Variants in DDX50 observed in about 807,000 individuals in gnomAD.
DDX50 encodes the protein DExD-box helicase 50.
DDX50 carries 56 observed loss-of-function variants against 94.8 expected under a neutral mutation model. The observed-to-expected ratio is 0.59, with a 90% confidence interval of 0.48 to 0.74. The LOEUF is 0.74. DDX50 is among the 30% of genes least tolerant of loss of function. The pLI, the probability that DDX50 is intolerant of heterozygous loss-of-function variation, is 0.00. For missense variants in DDX50, 713 were observed against 881.2 expected, an observed-to-expected ratio of 0.81 and a Z score of 2.42; for synonymous variants, 264 against 295.4, an observed-to-expected ratio of 0.89 and a Z score of 1.09.
intron 8 of DDX50, among the ~76,000 whole-genome samples, chr10:68,928,076 G>A (rs567767626): frequency 1.3e-5 from 2 of 152,234 alleles, no homozygotes; most frequent in South Asian, 4.1e-4. Context: ...ATTTCCCTGG[G>A]AAGCCAAGAC....
chr10:68,940,468 G>A (rs1299125595), intron 12 of DDX50, among the ~76,000 whole-genome samples: 3 of 151,632 alleles, frequency 2.0e-5, no homozygotes, highest in Admixed American at 1.3e-4. Context: ...CACCCAGGCT[G>A]GAGTGCAGTG....
At chr10:68,901,610 T>G in intron 1 of DDX50, 139 bp downstream of exon 1, 1 of 918,976 alleles carries the variant, frequency 1.1e-6, no homozygotes, top group Middle Eastern at 2.3e-4. Context: ...CTCGGCCCTC[T>G]GGGGTCGCTC....
intron 11 of DDX50, among the ~76,000 whole-genome samples, chr10:68,936,649 G>A (rs1301819072): frequency 6.7e-6 from 1 of 149,506 alleles, no homozygotes; most frequent in Admixed American, 6.7e-5. Flanking sequence ...GACTAGCTTG[G>A]CCAACATGGC....
intron 8 of DDX50, among the ~76,000 whole-genome samples, chr10:68,930,535 C>T (rs985362916): frequency 7.0e-6 from 1 of 143,224 alleles, no homozygotes; most frequent in Non-Finnish European, 1.5e-5. Flanking sequence ...ATTTCATCAA[C>T]TAATAGTTCT....
intron 8 of DDX50, among the ~76,000 whole-genome samples, chr10:68,927,617 T>C (rs1842124327): frequency 6.6e-6 from 1 of 152,222 alleles, no homozygotes; most frequent in South Asian, 2.1e-4. Flanking sequence ...AGAAGTGGTA[T>C]TTCAAGTATC....
Position 68,906,953 on chromosome 10 carries a change from AG to A in DDX50, c.331del (p.Val111TyrfsTer4). The A allele has an allele frequency of 6.3e-7, 1 of 1,599,774 alleles. No homozygotes were observed. The highest frequency in any genetic ancestry group is 8.5e-7 in the Non-Finnish European group (1 of 1,176,924). On this transcript the variant is annotated frameshift_variant, in exon 2 of 15. Transcript: ENST00000373585. LOFTEE classifies it high-confidence loss of function. ...IDEYEKKSKR[V>X]SSLDTSTHKS... ...ATGAATATGAAAAAAAATCAAAGCGAGTATCATCTTTAGATACTTCTACTCA... is the reference window on the plus strand; with the variant it reads ...ATGAATATGAAAAAAAATCAAAGCGATATCATCTTTAGATACTTCTACTCA...
Position 68,934,661 on chromosome 10 carries a change from A to G in DDX50, c.1402-138A>G. 8.8e-7 allele frequency: 1 copy of G among 1,138,256 alleles called. No individual in the cohort carries two copies. The highest frequency in any genetic ancestry group is 1.2e-6 in the Non-Finnish European group (1 of 826,162). The allele number at this position is 1,138,256 out of a possible 1,614,324, so 70.5% of individuals were successfully genotyped here. On this transcript the variant is annotated intron_variant, in intron 9 of 14. Transcript: ENST00000373585. The surrounding 1 kb of genome is among the most constrained non-coding windows in gnomAD (Gnocchi z 4.0). ...TCATATTGCCTTTACCCCAAAATCC[A>G]CACATATAAATTGTTTGGAATGTTG...
chr10:68,904,711 T>C (rs1841390252), intron 1 of DDX50, among the ~76,000 whole-genome samples: 1 of 152,250 alleles, frequency 6.6e-6, no homozygotes, highest in African/African-American at 2.4e-5. Context: ...TTGCTTCAAC[T>C]TCTCTCTGTA....
intron 8 of DDX50, among the ~76,000 whole-genome samples, chr10:68,922,824 A>G (rs901589839): frequency 7.8e-6 from 1 of 128,126 alleles, no homozygotes; most frequent in Non-Finnish European, 1.6e-5. Context: ...AGAGTCTCCT[A>G]TTGCCCAGGC....
intron 7 of DDX50, among the ~76,000 whole-genome samples, chr10:68,917,244 G>C (rs1204849291): frequency 2.0e-5 from 3 of 151,938 alleles, no homozygotes; most frequent in Non-Finnish European, 2.9e-5. Context: ...TAGATCACCT[G>C]AGGTCAGGAG....
At chr10:68,902,632 C>T (rs906188096) in intron 1 of DDX50, among the ~76,000 whole-genome samples, 1 of 152,038 alleles carries the variant, frequency 6.6e-6, no homozygotes, top group African/African-American at 2.4e-5. Flanking sequence ...ATTCCTCTCT[C>T]CTTCCACTCC....
At chr10:68,926,814 GA>G (rs1229295591) in intron 8 of DDX50, among the ~76,000 whole-genome samples, 1 of 144,234 alleles carries the variant, frequency 6.9e-6, no homozygotes, top group Non-Finnish European at 1.5e-5. Flanking sequence ...CACACTTTTG[GA>G]AAAAAAAATT....
intron 7 of DDX50, among the ~76,000 whole-genome samples, chr10:68,919,345 A>C (rs1017488683): frequency 6.6e-6 from 1 of 152,192 alleles, no homozygotes; most frequent in African/African-American, 2.4e-5. Context: ...TGAAAAATTC[A>C]TATGTGTGTA....
chr10:68,901,659 A>G (rs1841290939), intron 1 of DDX50, among the ~76,000 whole-genome samples, 188 bp downstream of exon 1: 1 of 152,130 alleles, frequency 6.6e-6, no homozygotes, highest in African/African-American at 2.4e-5. Context: ...ACCTGGAGAA[A>G]GATGGCCCTG....
Position 68,910,291 on chromosome 10 carries a change from G to T in DDX50, c.385-16G>T. 6.3e-7 allele frequency: 1 copy of T among 1,581,644 alleles called. No individual in the cohort carries two copies. Among genetic ancestry groups the T allele is most frequent in the Admixed American group, 1.9e-5 (1 of 51,380 alleles). ...TTGAGTATAAATTATTTAGGCCATT[G>T]ATTTCATTTTTACAGACCTTAACAC... On this transcript the variant is annotated splice_polypyrimidine_tract_variant and intron_variant, in intron 2 of 14. Transcript: ENST00000373585.
At chr10:68,940,209 T>G (rs1217878723) in intron 12 of DDX50, among the ~76,000 whole-genome samples, 1 of 151,788 alleles carries the variant, frequency 6.6e-6, no homozygotes, top group African/African-American at 2.4e-5. Context: ...GGCAACCCCG[T>G]CTCTACTAAA....
At chr10:68,942,527 T>TA (rs1842577269) in intron 13 of DDX50, among the ~76,000 whole-genome samples, 1 of 152,194 alleles carries the variant, frequency 6.6e-6, no homozygotes, top group African/African-American at 2.4e-5. Context: ...ACTTGAGTAT[T>TA]AAATTAACTT....
chr10:68,940,954 G>T, intron 12 of DDX50, 106 bp from the exon 13 acceptor site: 2 of 1,422,286 alleles, frequency 1.4e-6, no homozygotes, highest in Non-Finnish European at 9.4e-7. Context: ...TTATACTTTT[G>T]GCTCATAAGA....
At chr10:68,913,660 G>A (rs575617429) in intron 6 of DDX50, 84 bp downstream of exon 6, 3 of 1,354,212 alleles carry the variant, frequency 2.2e-6, no homozygotes, top group Non-Finnish European at 1.0e-6. Flanking sequence ...AATTTTTATT[G>A]CAGTGTCCCC....
Sources: allele counts gnomAD v4.1 joint callset (sites outside exome capture counted in the v4.1 genomes callset), GRCh38; gene constraint gnomAD v4.1.1; non-coding constraint Gnocchi (gnomAD v3.1); transcripts MANE v1.5; gene names NCBI Gene and HGNC (gene_info 2026-07-23, HGNC 2026-07-21).